Variants in TMED3 observed in about 807,000 individuals in gnomAD.
TMED3 encodes the protein transmembrane p24 trafficking protein 3, also known as transmembrane emp24 domain-containing protein 3.
In TMED3, 9 loss-of-function variants were observed where a neutral mutation model predicts 15.0. That is an observed-to-expected ratio of 0.60 (90% CI 0.36 to 1.04). The LOEUF is 1.04. TMED3 is among the 50% of genes least tolerant of loss of function. The pLI is 0.01. For missense variants in TMED3, 267 were observed against 278.9 expected, an observed-to-expected ratio of 0.96 and a Z score of 0.30; for synonymous variants, 117 against 121.4, an observed-to-expected ratio of 0.96 and a Z score of 0.24.
chr15:79,314,110 A>T (rs1174004670), intron 2 of TMED3, 105 bp downstream of exon 2: 8 of 1,459,648 alleles, frequency 5.5e-6, no homozygotes, highest in Non-Finnish European at 7.4e-6. Context: ...TCCAGCTCCC[A>T]GTCTGGAAGT....
At chr15:79,370,862 C>G (rs528682921) in intron 2 of TMED3, among the ~76,000 whole-genome samples, 26 of 152,336 alleles carry the variant, frequency 1.7e-4, no homozygotes, top group African/African-American at 6.0e-4. Flanking sequence ...TATTGCTTCA[C>G]TTGTCATGTC....
At chr15:79,371,310 A>G (rs1256334855) in intron 2 of TMED3, among the ~76,000 whole-genome samples, 1 of 152,126 alleles carries the variant, frequency 6.6e-6, no homozygotes, top group Non-Finnish European at 1.5e-5. Context: ...TCCATATAAA[A>G]TGTCTTTTGT....
chr15:79,413,846 T>C (rs1954756731), exon 3 of TMED3: 1 of 152,230 alleles, frequency 6.6e-6, no homozygotes, highest in East Asian at 1.9e-4. Context: ...ACTGGATACA[T>C]CAGACAGTTT....
intron 2 of TMED3, among the ~76,000 whole-genome samples, chr15:79,332,589 G>A (rs2058813362): frequency 6.6e-6 from 1 of 152,194 alleles, no homozygotes; most frequent in South Asian, 2.1e-4. Context: ...TGCCTTCTGA[G>A]AGGCTTGGCC....
At chr15:79,379,454 A>G (rs1265203654) in intron 2 of TMED3, among the ~76,000 whole-genome samples, 4 of 152,214 alleles carry the variant, frequency 2.6e-5, no homozygotes, top group Non-Finnish European at 5.9e-5. Context: ...GTTTCAAAAA[A>G]TAGTATTTTC....
intron 2 of TMED3, among the ~76,000 whole-genome samples, chr15:79,336,367 CT>C (rs2058826774): frequency 2.6e-5 from 4 of 152,114 alleles, no homozygotes; most frequent in Admixed American, 2.6e-4. Context: ...CAAAAACAAA[CT>C]ACATTAGGGC....
intron 2 of TMED3, among the ~76,000 whole-genome samples, chr15:79,359,201 G>A (rs1303284463): frequency 2.6e-5 from 4 of 151,518 alleles, no homozygotes; most frequent in Admixed American, 1.3e-4. Context: ...CCAGAGGAGA[G>A]GTACAGTTTA....
intron 2 of TMED3, among the ~76,000 whole-genome samples, chr15:79,358,233 C>T (rs1893050781): frequency 6.6e-6 from 1 of 152,236 alleles, no homozygotes; most frequent in Admixed American, 6.5e-5. Flanking sequence ...TGGGGGCCTG[C>T]TGTCTCACAA....
intron 2 of TMED3, among the ~76,000 whole-genome samples, chr15:79,355,616 G>T (rs1489333615): frequency 6.6e-6 from 1 of 152,140 alleles, no homozygotes; most frequent in Non-Finnish European, 1.5e-5. Context: ...CCTTGGCTTG[G>T]CAAATACACT....
Position 79,321,969 on chromosome 15 carries a change from C to A in TMED3, c.418-9C>A. The A allele has an allele frequency of 6.2e-7, 1 of 1,613,170 alleles. No homozygotes were observed. Among genetic ancestry groups the A allele is most frequent in the Non-Finnish European group, 8.5e-7 (1 of 1,179,368 alleles). On this transcript the variant is annotated splice_polypyrimidine_tract_variant and intron_variant, in intron 2 of 2. Transcript: ENST00000299705. The stretch of plus-strand genomic sequence containing the variant: ...TTAGCAGTGTGACTGCTTTTCTCTT[C>A]CTGCCCAGATGGAGTCCGCCTGCGT...
At chr15:79,342,119 G>A (rs188464183) in intron 2 of TMED3, among the ~76,000 whole-genome samples, 28 of 152,218 alleles carry the variant, frequency 1.8e-4, no homozygotes, top group Non-Finnish European at 2.2e-4. Flanking sequence ...AGTAATTGTC[G>A]TTACAAAACA....
At chr15:79,363,769 G>A (rs1275206642) in intron 2 of TMED3, among the ~76,000 whole-genome samples, 1 of 152,130 alleles carries the variant, frequency 6.6e-6, no homozygotes, top group Admixed American at 6.5e-5. Flanking sequence ...CCTTTCCATT[G>A]TTACCAAACC....
intron 2 of TMED3, among the ~76,000 whole-genome samples, chr15:79,354,704 C>T (rs1489198911): frequency 2.6e-5 from 4 of 152,010 alleles, no homozygotes; most frequent in Non-Finnish European, 5.9e-5. Flanking sequence ...TCAGGCCCAT[C>T]TTACCCCTCC....
intron 2 of TMED3, among the ~76,000 whole-genome samples, chr15:79,396,151 A>G (rs1410631954): frequency 6.6e-6 from 1 of 152,148 alleles, no homozygotes; most frequent in Non-Finnish European, 1.5e-5. Flanking sequence ...CTCCGTAACA[A>G]TTATCTTCTT....
At chr15:79,325,035 G>T (rs182449310), downstream of TMED3, among the ~76,000 whole-genome samples, 6 of 152,158 alleles carry the variant, frequency 3.9e-5, no homozygotes, top group African/African-American at 9.7e-5. Context: ...TTAAATTTGA[G>T]GCCTGGGTGG....
chr15:79,404,504 A>C (rs965327671), intron 2 of TMED3, among the ~76,000 whole-genome samples: 2 of 151,444 alleles, frequency 1.3e-5, no homozygotes, highest in Non-Finnish European at 2.9e-5. Context: ...CCTCAAACTA[A>C]AACATGGCAG....
intron 2 of TMED3, among the ~76,000 whole-genome samples, chr15:79,317,323 T>C (rs1394087957): frequency 6.6e-6 from 1 of 152,260 alleles, no homozygotes; most frequent in Non-Finnish European, 1.5e-5. Flanking sequence ...GTGATTTCTG[T>C]GTCCTCCCTC....
At chr15:79,351,631 G>A (rs1433132712) in intron 2 of TMED3, among the ~76,000 whole-genome samples, 2 of 152,230 alleles carry the variant, frequency 1.3e-5, no homozygotes, top group South Asian at 2.1e-4. Flanking sequence ...TGGTGGAAAC[G>A]TAAACTAGTG....
At chr15:79,395,606 A>G (rs1354252179) in intron 2 of TMED3, among the ~76,000 whole-genome samples, 4 of 152,172 alleles carry the variant, frequency 2.6e-5, no homozygotes, top group African/African-American at 4.8e-5. Flanking sequence ...TACTTATGCT[A>G]TTTTTTGTTA....
Sources: allele counts gnomAD v4.1 joint callset (sites outside exome capture counted in the v4.1 genomes callset), GRCh38; gene constraint gnomAD v4.1.1; transcripts MANE v1.5; gene names NCBI Gene and HGNC (gene_info 2026-07-23, HGNC 2026-07-21).